CCNA2: variants seen among roughly 807,000 people sequenced by gnomAD.
CCNA2 encodes cyclin-A2.
Under a neutral mutation model 49.4 loss-of-function variants are expected in CCNA2, and 3 were observed. That is an observed-to-expected ratio of 0.06 (90% CI 0.03 to 0.16). The LOEUF is 0.16. Among genes scored for constraint, CCNA2 ranks in the 10% least tolerant of loss-of-function variants. The pLI is 1.00. For synonymous variants in CCNA2, 206 were observed against 197.2 expected (o/e 1.04, Z -0.37); for missense variants, 372 against 519.7 (o/e 0.72, Z 2.76).
chr4:121,823,794 C>G lies in CCNA2; in HGVS notation c.-166G>C. The G allele has an allele frequency of 7.6e-7, 1 of 1,317,056 alleles. No homozygotes were observed. 81.6% of individuals were successfully genotyped at this position (1,317,056 alleles called of 1,614,324 possible). ...CGCTCGCTCACCCAGCTCGAGACCA[C>G]GCAGGGCCGAGGAGGTTGCGAAAGG... On this transcript the variant is annotated 5_prime_UTR_variant, in exon 1 of 8. Transcript: ENST00000274026.
At position 121,820,945 on chromosome 4, in the gene CCNA2, TA is replaced by T; in HGVS notation, c.570+33del. 6.5e-7 allele frequency: 1 copy of T among 1,544,658 alleles called. No homozygotes were observed. Among genetic ancestry groups the T allele is most frequent in the Non-Finnish European group, 8.9e-7 (1 of 1,124,872 alleles). On this transcript the variant is annotated intron_variant, in intron 3 of 7. Coordinates refer to ENST00000274026, the MANE Select transcript of CCNA2 (RefSeq NM_001237.5). The surrounding 1 kb of genome is among the most constrained non-coding windows in gnomAD (Gnocchi z 4.1). The stretch of plus-strand genomic sequence containing the variant: ...ATTTCATTTAGCCACATTTAACAAA[TA>T]CATTATACAAACTGGATTCAGAGAA...
chr4:121,817,737 G>A (rs1724580463), intron 7 of CCNA2, 51 bp from the exon 8 acceptor site: 5 of 1,606,980 alleles, frequency 3.1e-6, no homozygotes, highest in Non-Finnish European at 4.3e-6. Flanking sequence ...ACTGGGTAAA[G>A]GAGATCATGG....
Position 121,822,462 on chromosome 4 carries a change from C to T in CCNA2, c.398G>A (p.Ser133Asn). 6.2e-7 allele frequency: 1 copy of T among 1,614,168 alleles called. No individual in the cohort carries two copies. The highest frequency in any genetic ancestry group is 8.5e-7 in the Non-Finnish European group (1 of 1,180,020). ...EDALAFNSAI[S>N]LPGPRKPLVP... is the part of the protein sequence containing the mutation. ...CAATGGTTTTCTGGGTCCAGGTAAACTAATGGCTGAATTAAAAGCCAGGGC... is the reference window on the plus strand; with the variant it reads ...CAATGGTTTTCTGGGTCCAGGTAAATTAATGGCTGAATTAAAAGCCAGGGC... Residue 133 changes from serine to asparagine, a missense_variant, in exon 2 of 8, where the codon AGT (serine) becomes AAT (asparagine). Transcript: ENST00000274026.
rs754499029 is a variant in CCNA2 at position 121,823,648 on chromosome 4, C to A, written c.-20G>T. 25 of 1,554,392 alleles carry A rather than the reference C, an allele frequency of 1.6e-5. No individual in the cohort carries two copies. The highest frequency in any genetic ancestry group is 3.8e-5 in the Admixed American group (2 of 52,806). The stretch of plus-strand genomic sequence containing the variant: ...CAACATCACTGCTCCCGGGAGTGGA[C>A]GGCGGGATCAGCCTGCGGCGCCAAG... On this transcript the variant is annotated 5_prime_UTR_variant, in exon 1 of 8. Transcript: ENST00000274026.
At position 121,820,634 on chromosome 4, in the gene CCNA2, C is replaced by T; in HGVS notation, c.702G>A (p.Leu234=). 6.2e-7 allele frequency: 1 copy of T among 1,614,130 alleles called. No individual in the cohort carries two copies. The highest frequency in any genetic ancestry group is 1.1e-5 in the South Asian group (1 of 91,080). Residue 234 remains leucine, a synonymous_variant, in exon 4 of 8, where the codon TTG becomes TTA. Coordinates refer to ENST00000274026, the MANE Select transcript of CCNA2 (RefSeq NM_001237.5). This position sits in a 1 kb window ranked among gnomAD's most constrained non-coding sequence, Gnocchi z 4.1. ...GGAACCTATCAATGTAGTTCACAGC[C>T]AAATGCAGGGTCTCATTCTGTAGTT... ...EYKLQNETLH[L]AVNYIDRFLS... is the part of the protein sequence containing the mutation.
At chr4:121,819,939 CTT>C (rs796750946) in intron 4 of CCNA2, among the ~76,000 whole-genome samples, 49 of 135,060 alleles carry the variant, frequency 3.6e-4, no homozygotes, top group Non-Finnish European at 3.9e-4. Context: ...GTTTTTCTTT[CTT>C]TTTTTTTTTT....
In CCNA2 at chr4:121,823,523, C is replaced by T. The variant is rs866334556; in HGVS notation, c.106G>A (p.Glu36Lys). The change falls in exon 1 of 8, where the codon GAA (glutamate) becomes AAA (lysine). Residue 36 changes from glutamate (E) to lysine (K), a missense_variant. By Grantham distance (56) the Glu-to-Lys change is moderately conservative. Transcript: ENST00000274026. Reference protein sequence around the residue: ...LQEDQENINPEKAAPVQQPRT... With the variant: ...LQEDQENINPKKAAPVQQPRT... ...GGTTGTTGGACGGGCGCTGCCTTTT[C>T]CGGGTTGATATTCTCCTGGTCCTCT... 1 of 1,613,126 alleles carries T rather than the reference C, an allele frequency of 6.2e-7. No homozygotes were observed. Among genetic ancestry groups the T allele is most frequent in the Non-Finnish European group, 8.5e-7 (1 of 1,179,716 alleles).
rs765156734 is a variant in CCNA2, at chr4:121,819,598, TA to T, written c.795-20del. ...AAACTTTCTACAATGAAAAAAGTTTTAAGTAATCAGTCCTAAAAGAGAAGCA... is the reference window on the plus strand; with the variant it reads ...AAACTTTCTACAATGAAAAAAGTTTTAGTAATCAGTCCTAAAAGAGAAGCA... On this transcript the variant is annotated intron_variant, in intron 4 of 7. Coordinates refer to ENST00000274026, the MANE Select transcript of CCNA2 (RefSeq NM_001237.5). The T allele has an allele frequency of 1.3e-6, 2 of 1,550,666 alleles. No homozygotes were observed. Among genetic ancestry groups the T allele is most frequent in the Admixed American group, 1.7e-5 (1 of 59,576 alleles).
intron 2 of CCNA2, among the ~76,000 whole-genome samples, chr4:121,822,066 A>G (rs1361499230): frequency 6.6e-6 from 1 of 152,260 alleles, no homozygotes; most frequent in Non-Finnish European, 1.5e-5. Flanking sequence ...ACTAAGTGAT[A>G]TATAAGTGAG....
Position 121,823,508 on chromosome 4 carries a change from C to A in CCNA2, c.121G>T (p.Val41Phe), listed in dbSNP as rs1432894409. ...ENINPEKAAP[V>F]QQPRTRAALA... ...GCGGCCCGGGTCCGCGGTTGTTGGA[C>A]GGGCGCTGCCTTTTCCGGGTTGATA... Residue 41 changes from valine (V) to phenylalanine (F), a missense_variant, in exon 1 of 8, where the codon GTC becomes TTC. By Grantham distance (50) the Val-to-Phe change is conservative (BLOSUM62 -1). Around this residue, in one of 2 missense-constraint regions of CCNA2, gnomAD observed 217 missense variants for 231.7 expected, o/e 0.94. Transcript: ENST00000274026. The A allele has an allele frequency of 6.2e-7, 1 of 1,613,214 alleles. No homozygotes were observed. Among genetic ancestry groups the A allele is most frequent in the Non-Finnish European group, 8.5e-7 (1 of 1,179,734 alleles).
chr4:121,817,109 A>G lies in CCNA2; in HGVS notation c.*529T>C. 2.6e-6 allele frequency: 1 copy of G among 384,256 alleles called. No individual in the cohort carries two copies. The highest frequency in any genetic ancestry group is 4.6e-6 in the Non-Finnish European group (1 of 215,272). 23.8% of individuals were successfully genotyped at this position (384,256 alleles called of 1,614,324 possible). A position where few individuals can be genotyped will look rare whatever the true frequency, so the allele number is the denominator to read the frequency against. On this transcript the variant is annotated 3_prime_UTR_variant, in exon 8 of 8. Coordinates refer to ENST00000274026, the MANE Select transcript of CCNA2 (RefSeq NM_001237.5). ...TTTACCTCGCAAAACCTAAACAAAC[A>G]GGTTTTACAAAGAGCGAAAAAGTCT... is the stretch of plus-strand genomic sequence containing the variant.
chr4:121,823,183 A>G (rs1011818306), intron 1 of CCNA2, among the ~76,000 whole-genome samples: 1 of 152,116 alleles, frequency 6.6e-6, no homozygotes, highest in Non-Finnish European at 1.5e-5. Context: ...GTACAGGCAG[A>G]TGCCCCCTAT....
chr4:121,822,876 C>T (rs1045007322), intron 1 of CCNA2, among the ~76,000 whole-genome samples: 27 of 152,096 alleles, frequency 1.8e-4, no homozygotes, highest in African/African-American at 6.5e-4. Flanking sequence ...TTATCAGGGC[C>T]ACAAGAAGGG....
chr4:121,823,440 C>T lies in CCNA2; in HGVS notation c.189G>A (p.Gln63=). 6.2e-7 allele frequency: 1 copy of T among 1,612,936 alleles called. No individual in the cohort carries two copies. The highest frequency in any genetic ancestry group is 8.5e-7 in the Non-Finnish European group (1 of 1,179,520). The change falls in exon 1 of 8, where the codon CAG becomes CAA. Residue 63 remains glutamine, a synonymous_variant. Coordinates refer to ENST00000274026, the MANE Select transcript of CCNA2 (RefSeq NM_001237.5). ...LKSGNPRGLA[Q]QQRPKTRRVA... ...CCCGTCTCGTCTTCGGCCTCTGCTGCTGCGCTAGACCCCGCGGGTTCCCGG... is the reference window on the plus strand; with the variant it reads ...CCCGTCTCGTCTTCGGCCTCTGCTGTTGCGCTAGACCCCGCGGGTTCCCGG...
Position 121,817,553 on chromosome 4 carries a change from T to A in CCNA2, c.*85A>T. ...CACAACTTCTGTATTCAGAAATGAT[T>A]GTAAAATTAAAACCTAAGTTAAAAA... On this transcript the variant is annotated 3_prime_UTR_variant, in exon 8 of 8. Coordinates refer to ENST00000274026, the MANE Select transcript of CCNA2 (RefSeq NM_001237.5). The A allele has an allele frequency of 6.5e-7, 1 of 1,528,662 alleles. No individual in the cohort carries two copies. Among genetic ancestry groups the A allele is most frequent in the South Asian group, 1.2e-5 (1 of 84,294 alleles). The allele number at this position is 1,528,662 out of a possible 1,614,324, so 94.7% of individuals were successfully genotyped here. A position where few individuals can be genotyped will look rare whatever the true frequency, so the allele number is the denominator to read the frequency against.
rs1200989502 is a variant in CCNA2, at chr4:121,816,804, C to T, written c.*834G>A. On this transcript the variant is annotated 3_prime_UTR_variant, in exon 8 of 8. Coordinates refer to ENST00000274026, the MANE Select transcript of CCNA2 (RefSeq NM_001237.5). ...ACCACCAGTGCAAAACAAGAAAAAG[C>T]ACCAAGTAAAAAGCCAGTGAAAAGA... The T allele has an allele frequency of 6.2e-7, 1 of 1,601,644 alleles. No individual in the cohort carries two copies. Among genetic ancestry groups the T allele is most frequent in the Non-Finnish European group, 8.5e-7 (1 of 1,173,536 alleles).
intron 4 of CCNA2, among the ~76,000 whole-genome samples, chr4:121,819,845 A>T (rs1724641739): frequency 6.6e-6 from 1 of 152,220 alleles, no homozygotes; most frequent in Admixed American, 6.5e-5. Flanking sequence ...AGATGGGAAC[A>T]ATGCCAGAGT....
chr4:121,821,126 G>T, intron 2 of CCNA2, 35 bp from the exon 3 acceptor site: 1 of 1,592,912 alleles, frequency 6.3e-7, no homozygotes. Flanking sequence ...TAAATTAATT[G>T]TTTGCCTATT....
Position 121,816,642 on chromosome 4 carries a change from T to A in CCNA2, c.*996A>T. 1 of 971,794 alleles carries A rather than the reference T, an allele frequency of 1.0e-6. No individual in the cohort carries two copies. Among genetic ancestry groups the A allele is most frequent in the Non-Finnish European group, 1.5e-6 (1 of 680,328 alleles). The allele number at this position is 971,794 out of a possible 1,614,324, so 60.2% of individuals were successfully genotyped here. A position where few individuals can be genotyped will look rare whatever the true frequency, so the allele number is the denominator to read the frequency against. ...TAGGACCTAAATCTATAATATAAACTTCTTGGATGCCAGTCTTACTCATAG... is the reference window on the plus strand; with the variant it reads ...TAGGACCTAAATCTATAATATAAACATCTTGGATGCCAGTCTTACTCATAG... On this transcript the variant is annotated 3_prime_UTR_variant, in exon 8 of 8. Coordinates refer to ENST00000274026, the MANE Select transcript of CCNA2 (RefSeq NM_001237.5).
Sources: gnomAD v4.1 joint callset for allele counts (sites outside exome capture counted in the v4.1 genomes callset) on GRCh38, gnomAD v4.1.1 for gene constraint, gnomAD v4.1.1 regional missense constraint, Gnocchi (gnomAD v3.1) non-coding constraint, MANE v1.5 for transcripts, NCBI Gene and HGNC (gene_info 2026-07-23, HGNC 2026-07-21) for gene names.